BMPR1B: variants seen among roughly 807,000 people sequenced by gnomAD.
BMPR1B encodes the protein bone morphogenetic protein receptor type 1B.
In BMPR1B, 12 loss-of-function variants were observed where a neutral mutation model predicts 59.1. The ratio of observed to expected loss-of-function variants is 0.20; its 90% CI spans 0.13 to 0.33. The LOEUF is 0.33. Among genes scored for constraint, BMPR1B ranks in the 10% least tolerant of loss-of-function variants. The pLI is 1.00. For missense variants in BMPR1B, 550 were observed against 610.9 expected (o/e 0.90, Z 1.05); for synonymous variants, 237 against 207.3 (o/e 1.14, Z -1.23).
chr4:95,027,489 C>T (rs17022885), intron 3 of BMPR1B, among the ~76,000 whole-genome samples: 38,009 of 151,946 alleles, frequency 0.25, 6,148 homozygotes, highest in African/African-American at 0.46. Flanking sequence ...TGATAAATGC[C>T]GAGCCATCAT....
At chr4:95,042,694 A>T (rs1307596356) in intron 3 of BMPR1B, among the ~76,000 whole-genome samples, 1 of 152,178 alleles carries the variant, frequency 6.6e-6, no homozygotes, top group Admixed American at 6.5e-5. Context: ...CATGATCATT[A>T]TCATTGTTGT....
intron 1 of BMPR1B, among the ~76,000 whole-genome samples, chr4:94,799,329 A>C (rs550356971): frequency 2.0e-4 from 29 of 148,528 alleles, no homozygotes; most frequent in African/African-American, 6.5e-4. Context: ...CTGGAGACAC[A>C]GTCTTGCTGT....
chr4:95,002,145 C>T (rs1023233356), intron 3 of BMPR1B, among the ~76,000 whole-genome samples: 1 of 152,092 alleles, frequency 6.6e-6, no homozygotes, highest in Non-Finnish European at 1.5e-5. Flanking sequence ...CTCCCTCCAC[C>T]TCTGGTAGTC....
In BMPR1B at chr4:94,854,745, C is replaced by G. The variant is rs181955324; in HGVS notation, c.-182-21086C>G. Among the ~76,000 whole-genome samples, 546 of 152,066 alleles carry G rather than the reference C, an allele frequency of 3.6e-3. 2 individuals are homozygous for G. The highest frequency in any genetic ancestry group is 0.02 in the Middle Eastern group (6 of 294). ...TAAACCTAGCAAGCCTATTCTTGGC[C>G]CATGAAAAGAAAGACATGCTCCCTA... On this transcript the variant is annotated intron_variant, in intron 1 of 12. Transcript: ENST00000515059.
chr4:94,808,279 C>A (rs984683731), intron 1 of BMPR1B, among the ~76,000 whole-genome samples: 2 of 152,086 alleles, frequency 1.3e-5, no homozygotes, highest in Admixed American at 6.6e-5. Context: ...GGCCCCATTA[C>A]CTAAAGAAAA....
intron 3 of BMPR1B, among the ~76,000 whole-genome samples, chr4:95,018,151 AATC>A (rs1355329021): frequency 6.6e-6 from 1 of 152,200 alleles, no homozygotes; most frequent in Admixed American, 6.5e-5. Context: ...AATGCATGCT[AATC>A]ATTTTATGTA....
At chr4:94,848,902 G>A (rs1024995492) in intron 1 of BMPR1B, among the ~76,000 whole-genome samples, 1 of 152,334 alleles carries the variant, frequency 6.6e-6, no homozygotes, top group African/African-American at 2.4e-5. Context: ...GATTTTTCCA[G>A]ATGACATGAT....
intron 3 of BMPR1B, among the ~76,000 whole-genome samples, chr4:95,076,653 T>C (rs1326848281): frequency 6.6e-6 from 1 of 152,188 alleles, no homozygotes; most frequent in East Asian, 1.9e-4. Context: ...ATCCAAGTAA[T>C]CAGTGGAGTG....
intron 1 of BMPR1B, among the ~76,000 whole-genome samples, chr4:94,809,734 T>C (rs77372221): frequency 0.018 from 2,722 of 152,310 alleles, 35 homozygotes; most frequent in Middle Eastern, 0.041. Flanking sequence ...GACAAGAATT[T>C]GAAGGATTCA....
At position 94,838,839 on chromosome 4, in the gene BMPR1B, TA is replaced by T. The variant is rs1212092695; in HGVS notation, c.-182-36990del. On this transcript the variant is annotated intron_variant, in intron 1 of 12. Transcript: ENST00000515059. ...TTTGGTCTTGCTTTTCTAGTTCTTTTAATTGTGATGTTAGGGTGTCAATTTT... is the reference window on the plus strand; with the variant it reads ...TTTGGTCTTGCTTTTCTAGTTCTTTTATTGTGATGTTAGGGTGTCAATTTT... Among the ~76,000 whole-genome samples the T allele has an allele frequency of 5.8e-5, 8 of 137,412 alleles. No individual in the cohort carries two copies. The East Asian group carries it at 1.4e-3, about 24-fold the overall frequency. 90.1% of individuals were successfully genotyped at this position (137,412 alleles called of 152,430 possible).
intron 4 of BMPR1B, among the ~76,000 whole-genome samples, chr4:95,106,101 G>A (rs886558852): frequency 5.9e-5 from 9 of 152,006 alleles, no homozygotes; most frequent in Admixed American, 2.0e-4. Context: ...GAAGCTTGGC[G>A]TGTTCAAAAG....
At chr4:95,114,381 AAGT>A (rs1396467038) in intron 4 of BMPR1B, among the ~76,000 whole-genome samples, 1 of 152,120 alleles carries the variant, frequency 6.6e-6, no homozygotes, top group Non-Finnish European at 1.5e-5. Context: ...TTGTCTGGAA[AAGT>A]AGTATCTGTG....
At chr4:95,138,721 C>T (rs999876702) in intron 10 of BMPR1B, among the ~76,000 whole-genome samples, 4 of 152,210 alleles carry the variant, frequency 2.6e-5, no homozygotes, top group Non-Finnish European at 2.9e-5. Flanking sequence ...CTTGTGCATG[C>T]ATCACGTAGT....
intron 2 of BMPR1B, among the ~76,000 whole-genome samples, chr4:94,948,876 C>A (rs1036095827): frequency 1.3e-5 from 2 of 152,094 alleles, no homozygotes; most frequent in African/African-American, 4.8e-5. Context: ...GCATACCTTG[C>A]CAAGGAGTGT....
intron 3 of BMPR1B, among the ~76,000 whole-genome samples, chr4:95,080,664 A>G (rs767412309): frequency 6.6e-6 from 1 of 152,208 alleles, no homozygotes; most frequent in Non-Finnish European, 1.5e-5. Flanking sequence ...TGCACTGATA[A>G]TAAACACCCG....
At chr4:94,986,418 T>G (rs1250018240) in intron 2 of BMPR1B, among the ~76,000 whole-genome samples, 1 of 152,168 alleles carries the variant, frequency 6.6e-6, no homozygotes, top group African/African-American at 2.4e-5. Flanking sequence ...ACGTAAAGTT[T>G]TCAAAAACCA....
chr4:94,929,714 GC>G (rs1729020341), intron 2 of BMPR1B, among the ~76,000 whole-genome samples: 2 of 152,062 alleles, frequency 1.3e-5, no homozygotes, highest in Non-Finnish European at 2.9e-5. Context: ...CTGCACTGTA[GC>G]TGATGCCTCT....
At chr4:94,799,218 T>G (rs1281523754) in intron 1 of BMPR1B, among the ~76,000 whole-genome samples, 1 of 150,402 alleles carries the variant, frequency 6.6e-6, no homozygotes, top group Admixed American at 6.7e-5. Flanking sequence ...AGACCTTATC[T>G]TTGAGATGCC....
At chr4:94,930,552 G>C (rs1729059396) in intron 2 of BMPR1B, among the ~76,000 whole-genome samples, 1 of 152,120 alleles carries the variant, frequency 6.6e-6, no homozygotes, top group South Asian at 2.1e-4. Context: ...TAAGGATTTA[G>C]TATAGGGCTA....
Sources: gnomAD v4.1 joint callset for allele counts (sites outside exome capture counted in the v4.1 genomes callset) on GRCh38, gnomAD v4.1.1 for gene constraint, MANE v1.5 for transcripts, NCBI Gene and HGNC (gene_info 2026-07-23, HGNC 2026-07-21) for gene names.